Variants in CCDC13 observed in about 807,000 individuals in gnomAD.
CCDC13 encodes the protein coiled-coil domain containing 13.
Under a neutral mutation model 87.3 loss-of-function variants are expected in CCDC13, and 70 were observed. The ratio of observed to expected loss-of-function variants is 0.80; its 90% CI spans 0.66 to 0.98. CCDC13 has a LOEUF of 0.98. Ranked by LOEUF, CCDC13 falls within the 50% of genes least tolerant of loss-of-function variation. CCDC13 has a pLI of 0.00. For synonymous variants in CCDC13, 317 were observed against 360.3 expected, an observed-to-expected ratio of 0.88 and a Z score of 1.36; for missense variants, 842 against 892.0, an observed-to-expected ratio of 0.94 and a Z score of 0.71.
chr3:42,740,861 G>C (rs991539808), intron 8 of CCDC13: 3 of 152,192 alleles, frequency 2.0e-5, no homozygotes, highest in Admixed American at 1.3e-4. Flanking sequence ...TCATATCCTT[G>C]ATGAAGTGAA....
intron 5 of CCDC13, chr3:42,750,070 C>G (rs1452399389): frequency 1.3e-5 from 5 of 381,904 alleles, no homozygotes; most frequent in Non-Finnish European, 2.6e-5. Context: ...TCTCTCAGAA[C>G]CTGGAACCTC....
At chr3:42,753,313 G>A (rs549937567) in intron 3 of CCDC13, among the ~76,000 whole-genome samples, 9 of 152,268 alleles carry the variant, frequency 5.9e-5, no homozygotes, top group East Asian at 3.9e-4. Flanking sequence ...GGCCTAGATC[G>A]GCCAATCCCC....
Position 42,707,301 on chromosome 3 carries a change from C to T in CCDC13, c.*1679G>A, listed in dbSNP as rs774894160. 6.6e-6 allele frequency among the ~76,000 whole-genome samples: 1 copy of T among 152,176 alleles called. No homozygotes were observed. The highest frequency in any genetic ancestry group is 1.5e-5 in the Non-Finnish European group (1 of 68,032). On this transcript the variant is annotated 3_prime_UTR_variant, in exon 16 of 16. Coordinates refer to ENST00000310232, the MANE Select transcript of CCDC13 (RefSeq NM_144719.4). Reference sequence around the variant, plus strand: ...TCTCTCTCCTGGCTCTCTGCCTGGCCGTTTTCCTTCACAAGGAACCAGAGA... The same window carrying T: ...TCTCTCTCCTGGCTCTCTGCCTGGCTGTTTTCCTTCACAAGGAACCAGAGA...
At position 42,707,443 on chromosome 3, in the gene CCDC13, A is replaced by G. The variant is rs1698203266; in HGVS notation, c.*1537T>C. On this transcript the variant is annotated 3_prime_UTR_variant, in exon 16 of 16. Coordinates refer to ENST00000310232, the MANE Select transcript of CCDC13 (RefSeq NM_144719.4). ...GATCCGTGTGACCCCATGCAGGGTC[A>G]GGGGCTCCCTGAGGAGTGGGGGCCA... 6.6e-6 allele frequency among the ~76,000 whole-genome samples: 1 copy of G among 152,172 alleles called. No individual in the cohort carries two copies. Among genetic ancestry groups the G allele is most frequent in the East Asian group, 1.9e-4 (1 of 5,182 alleles).
At chr3:42,705,184 GAGA>G (rs1446595250), downstream of CCDC13, among the ~76,000 whole-genome samples, 2 of 152,328 alleles carry the variant, frequency 1.3e-5, no homozygotes, top group East Asian at 3.9e-4. Context: ...CACCTGTGGG[GAGA>G]AGGTGGGCAG....
At chr3:42,746,992 T>C (rs539049505) in intron 6 of CCDC13, 40 of 572,696 alleles carry the variant, frequency 7.0e-5, no homozygotes, top group South Asian at 6.4e-4. Context: ...CTCCTCAGTC[T>C]AGAGCTGGGC....
At chr3:42,772,284 A>AGT (rs1559669720) in intron 1 of CCDC13, among the ~76,000 whole-genome samples, 1 of 37,384 alleles carries the variant, frequency 2.7e-5, no homozygotes, top group Non-Finnish European at 6.8e-5. Flanking sequence ...AAAAAAAAAA[A>AGT]AAAAAAGTAA....
At chr3:42,769,583 C>T (rs2125916457) in intron 1 of CCDC13, among the ~76,000 whole-genome samples, 1 of 152,392 alleles carries the variant, frequency 6.6e-6, no homozygotes, top group Non-Finnish European at 1.5e-5. Flanking sequence ...ACTCTGGGCA[C>T]CTCCTCGGCC....
At chr3:42,742,438 A>G (rs888466384) in intron 8 of CCDC13, among the ~76,000 whole-genome samples, 1 of 152,124 alleles carries the variant, frequency 6.6e-6, no homozygotes, top group Non-Finnish European at 1.5e-5. Context: ...TGGGCCAATG[A>G]CTTCCCTTTG....
At chr3:42,713,412 A>T in intron 13 of CCDC13, 96 bp from the exon 14 acceptor site, 1 of 1,246,778 alleles carries the variant, frequency 8.0e-7, no homozygotes, top group Middle Eastern at 2.2e-4. Flanking sequence ...GGCACATCTT[A>T]CATTGGTAGT....
intron 7 of CCDC13, among the ~76,000 whole-genome samples, chr3:42,743,698 C>T (rs2372115): frequency 0.17 from 24,784 of 149,106 alleles, 2,107 homozygotes; most frequent in South Asian, 0.25. Flanking sequence ...CGGGGTTTCA[C>T]CATGTTGCCC....
In CCDC13 at chr3:42,708,623, T is replaced by C. The variant is rs1283172380; in HGVS notation, c.*357A>G. ...TTCTGTGTGTGAAGCCATGGGGACA[T>C]CCAGGGCTAGTACCTAGGATGAGGG... On this transcript the variant is annotated 3_prime_UTR_variant, in exon 16 of 16. Coordinates refer to ENST00000310232, the MANE Select transcript of CCDC13 (RefSeq NM_144719.4). 5.3e-6 allele frequency: 1 copy of C among 190,048 alleles called. No homozygotes were observed. 11.8% of individuals were successfully genotyped at this position (190,048 alleles called of 1,614,324 possible). A position where few individuals can be genotyped will look rare whatever the true frequency, so the allele number is the denominator to read the frequency against.
intron 13 of CCDC13, among the ~76,000 whole-genome samples, chr3:42,717,238 C>T (rs765649778): frequency 6.6e-6 from 1 of 151,956 alleles, no homozygotes; most frequent in Non-Finnish European, 1.5e-5. Context: ...CCAGCCTGGC[C>T]AACATGGCGA....
intron 13 of CCDC13, among the ~76,000 whole-genome samples, chr3:42,727,697 C>G (rs1036036435): frequency 6.6e-6 from 1 of 152,122 alleles, no homozygotes; most frequent in Non-Finnish European, 1.5e-5. Flanking sequence ...AAAGTTAAAA[C>G]ATTCTAAATG....
At chr3:42,717,319 GGGA>G (rs1331908157) in intron 13 of CCDC13, among the ~76,000 whole-genome samples, 1 of 151,954 alleles carries the variant, frequency 6.6e-6, no homozygotes, top group East Asian at 1.9e-4. Flanking sequence ...CCAACTATTT[GGGA>G]GGCTGAGACA....
chr3:42,727,008 C>T (rs995802958), intron 13 of CCDC13, among the ~76,000 whole-genome samples: 22 of 152,032 alleles, frequency 1.4e-4, no homozygotes, highest in African/African-American at 5.1e-4. Context: ...AAAAAAATAC[C>T]CATCTATTTA....
downstream of CCDC13, chr3:42,704,519 CAG>C (rs1698125628): frequency 6.6e-6 from 1 of 152,214 alleles, no homozygotes; most frequent in Non-Finnish European, 1.5e-5. Context: ...TGCTCATAAA[CAG>C]AGGCTATTAG....
intron 10 of CCDC13, among the ~76,000 whole-genome samples, chr3:42,734,032 CAG>C (rs1698917839): frequency 6.6e-6 from 1 of 152,198 alleles, no homozygotes; most frequent in Non-Finnish European, 1.5e-5. Context: ...CACCTGCAGC[CAG>C]AGAGGCTGGC....
chr3:42,721,884 G>C (rs1698570703), intron 13 of CCDC13, among the ~76,000 whole-genome samples: 1 of 152,194 alleles, frequency 6.6e-6, no homozygotes, highest in African/African-American at 2.4e-5. Context: ...CTGCTGTCCA[G>C]AAGAAACACG....
Sources: allele counts gnomAD v4.1 joint callset (sites outside exome capture counted in the v4.1 genomes callset), GRCh38; gene constraint gnomAD v4.1.1; transcripts MANE v1.5; gene names NCBI Gene and HGNC (gene_info 2026-07-23, HGNC 2026-07-21).